MYO1A: variants seen among roughly 807,000 people sequenced by gnomAD.
MYO1A encodes unconventional myosin-Ia.
A neutral mutation model predicts 138.5 loss-of-function variants in MYO1A; 127 were observed. The observed-to-expected ratio is 0.92, with a 90% confidence interval of 0.79 to 1.06. The LOEUF (loss-of-function observed/expected upper bound fraction) is 1.06, where lower values mean the gene tolerates loss of function less well. MYO1A is among the 50% of genes least tolerant of loss of function. MYO1A has a pLI of 0.00. For synonymous variants in MYO1A, 477 were observed against 497.5 expected (o/e 0.96, Z 0.55); for missense variants, 1,211 against 1,288.8 (o/e 0.94, Z 0.92).
chr12:57,030,335 A>C lies in MYO1A; in HGVS notation c.2485-19T>G. ...TCTTGCACTGTGAGGAAGGAGGGAC[A>C]GGAGCTAAAATCATAGAGTGGGAGG... On this transcript the variant is annotated intron_variant, in intron 23 of 27. Transcript: ENST00000300119. 1 of 1,315,564 alleles carries C rather than the reference A, an allele frequency of 7.6e-7. No homozygotes were observed. The highest frequency in any genetic ancestry group is 1.2e-5 in the South Asian group (1 of 85,686). 81.5% of individuals were successfully genotyped at this position (1,315,564 alleles called of 1,614,324 possible). A position where few individuals can be genotyped will look rare whatever the true frequency, so the allele number is the denominator to read the frequency against.
intron 6 of MYO1A, 23 bp from the exon 7 acceptor site, chr12:57,046,949 G>C (rs532746442): frequency 4.3e-6 from 7 of 1,613,424 alleles, no homozygotes; most frequent in East Asian, 4.5e-5. Flanking sequence ...ACCAGAGAGA[G>C]AGACTTAGCT....
In MYO1A at chr12:57,042,376, C is replaced by T. The variant is rs568338780; in HGVS notation, c.1098+696G>A. Among the ~76,000 whole-genome samples the T allele has an allele frequency of 2.0e-5, 3 of 152,264 alleles. No homozygotes were observed. In the East Asian group the frequency reaches 5.8e-4, roughly 29 times the overall value. ...TACAGATATACCACATTTTGTTTAT[C>T]TCTTCATCAGTTGATGGACATTTGG... On this transcript the variant is annotated intron_variant, in intron 12 of 27. Transcript: ENST00000300119.
At chr12:57,032,075 GACTCA>G (rs1406979481) in intron 22 of MYO1A, among the ~76,000 whole-genome samples, 1 of 152,180 alleles carries the variant, frequency 6.6e-6, no homozygotes, top group African/African-American at 2.4e-5. Flanking sequence ...ATGCTCTCTT[GACTCA>G]ACTCTGCCAA....
rs758088084 is a variant in MYO1A at position 57,029,754 on chromosome 12, G to C, written c.2710C>G (p.Arg904Gly). Residue 904 changes from arginine (R) to glycine (G), a missense_variant, in exon 25 of 28, where the codon CGT (arginine) becomes GGT (glycine). Physicochemically the swap from Arg to Gly is moderately radical, Grantham distance 125. Transcript: ENST00000300119. ...LMAEAVKKVN[R>G]GNGKTSSRIL... The stretch of plus-strand genomic sequence containing the variant: ...CAGGCCCTTACCTTGCCATTGCCAC[G>C]ATTGACCTTCTTCACGGCCTCTGCC... 6.2e-7 allele frequency: 1 copy of C among 1,614,180 alleles called. No homozygotes were observed. Among genetic ancestry groups the C allele is most frequent in the Non-Finnish European group, 8.5e-7 (1 of 1,180,038 alleles).
chr12:57,039,036 A>C (rs2030737543), intron 15 of MYO1A, 27 bp from the exon 16 acceptor site: 2 of 1,607,062 alleles, frequency 1.2e-6, no homozygotes, highest in Non-Finnish European at 1.7e-6. Flanking sequence ...AAAGAAGCCC[A>C]ACCTAAATCT....
intron 22 of MYO1A, among the ~76,000 whole-genome samples, chr12:57,032,206 T>A (rs968743070): frequency 6.6e-6 from 1 of 152,254 alleles, no homozygotes; most frequent in African/African-American, 2.4e-5. Context: ...GTTATTTGCA[T>A]GGAAAACAGC....
intron 10 of MYO1A, 85 bp from the exon 11 acceptor site, chr12:57,043,443 G>C: frequency 7.8e-7 from 1 of 1,276,962 alleles, no homozygotes; most frequent in Non-Finnish European, 1.1e-6. Context: ...GAAACTGCCT[G>C]AGACACTGGT....
intron 22 of MYO1A, among the ~76,000 whole-genome samples, chr12:57,034,709 C>T (rs1024196323): frequency 6.6e-6 from 1 of 151,902 alleles, no homozygotes; most frequent in African/African-American, 2.4e-5. Flanking sequence ...TGGCTCACAC[C>T]TGTAATCCTA....
intron 22 of MYO1A, 117 bp from the exon 23 acceptor site, chr12:57,031,291 G>T: frequency 7.7e-7 from 1 of 1,297,014 alleles, no homozygotes; most frequent in Non-Finnish European, 1.1e-6. Flanking sequence ...TGAGAAGCAA[G>T]GGGTGGAGCT....
At position 57,047,088 on chromosome 12, in the gene MYO1A, G is replaced by A. The variant is rs1019836770; in HGVS notation, c.450C>T (p.Thr150=). 81 of 1,614,026 alleles carry A rather than the reference G, an allele frequency of 5.0e-5. 1 individual carries two copies. In the East Asian group the frequency reaches 1.8e-3, roughly 35 times the overall value. Residue 150 remains threonine, a synonymous_variant, in exon 6 of 28, where the codon ACC becomes ACT. Transcript: ENST00000300119. ...PVLEAFGNAK[T]IRNNNSSRFG... ...ATCGGGAGGAATTGTTGTTGCGAATGGTCTTGGCATTGCCAAAAGCTACAG... is the reference window on the plus strand; with the variant it reads ...ATCGGGAGGAATTGTTGTTGCGAATAGTCTTGGCATTGCCAAAAGCTACAG...
intron 1 of MYO1A, 79 bp from the exon 2 acceptor site, chr12:57,048,422 G>T: frequency 1.2e-6 from 1 of 865,914 alleles, no homozygotes; most frequent in Non-Finnish European, 1.9e-6. Flanking sequence ...GATGGCAGAA[G>T]GACCAAAAGA....
At chr12:57,045,712 G>C (rs1390433650) in intron 8 of MYO1A, among the ~76,000 whole-genome samples, 2 of 152,194 alleles carry the variant, frequency 1.3e-5, no homozygotes. Context: ...CAGCCAGAGA[G>C]GAGATTGGGA....
Position 57,047,994 on chromosome 12 carries a change from G to C in MYO1A, c.225C>G (p.Pro75=). 6.2e-7 allele frequency: 1 copy of C among 1,613,536 alleles called. No homozygotes were observed. Among genetic ancestry groups the C allele is most frequent in the Non-Finnish European group, 8.5e-7 (1 of 1,179,488 alleles). The change falls in exon 3 of 28, where the codon CCC becomes CCG. Residue 75 remains proline, a synonymous_variant. Coordinates refer to ENST00000300119, the MANE Select transcript of MYO1A (RefSeq NM_005379.4). ...YQDYTFYELK[P]HIYALANVAY... is the part of the protein sequence containing the mutation. ...CCCTTGGTCCCCCTACTCACATATG[G>C]GGCTTCAGCTCATAGAAAGTATAGT...
Position 57,050,047 on chromosome 12 carries a change from C to T in MYO1A, c.-181G>A, listed in dbSNP as rs2136463434. Reference sequence around the variant, plus strand: ...GGAAGCTGGGAAAAAGGCTGCCCTCCTCTTGCCAGTGTCCACTCTTCTGAT... The same window carrying T: ...GGAAGCTGGGAAAAAGGCTGCCCTCTTCTTGCCAGTGTCCACTCTTCTGAT... On this transcript the variant is annotated 5_prime_UTR_variant, in exon 1 of 28. Coordinates refer to ENST00000300119, the MANE Select transcript of MYO1A (RefSeq NM_005379.4). The T allele has an allele frequency of 6.6e-6, 1 of 152,650 alleles. No homozygotes were observed. The highest frequency in any genetic ancestry group is 1.9e-4 in the East Asian group (1 of 5,202). 9.5% of individuals were successfully genotyped at this position (152,650 alleles called of 1,614,324 possible). A position where few individuals can be genotyped will look rare whatever the true frequency, so the allele number is the denominator to read the frequency against.
Position 57,029,772 on chromosome 12 carries a change from C to G in MYO1A, c.2692G>C (p.Ala898Pro). 3.1e-6 allele frequency: 5 copies of G among 1,614,220 alleles called. No individual in the cohort carries two copies. The highest frequency in any genetic ancestry group is 4.2e-6 in the Non-Finnish European group (5 of 1,180,034). The part of the protein sequence containing the change: ...GEEGPVLMAE[A>P]VKKVNRGNGK... ...TTGCCACGATTGACCTTCTTCACGG[C>G]CTCTGCCATCAGAACAGGCCCCTCC... The change falls in exon 25 of 28, where the codon GCC becomes CCC. Residue 898 changes from alanine (A) to proline (P), a missense_variant. Transcript: ENST00000300119.
Position 57,031,103 on chromosome 12 carries a change from G to A in MYO1A, c.2421C>T (p.Ala807=), listed in dbSNP as rs371549891. The change falls in exon 23 of 28, where the codon GCC becomes GCT. Residue 807 remains alanine (A), a synonymous_variant. Coordinates refer to ENST00000300119, the MANE Select transcript of MYO1A (RefSeq NM_005379.4). ...CTGTGCTGAGGCACTTGTAGGGGGC[G>A]GCTGGCCATGTCTTGTCTAAGACGT... is the stretch of plus-strand genomic sequence containing the variant. ...STNVLDKTWP[A]APYKCLSTAN... 4.3e-6 allele frequency: 7 copies of A among 1,614,144 alleles called. No homozygotes were observed. Among genetic ancestry groups the A allele is most frequent in the East Asian group, 2.2e-5 (1 of 44,890 alleles).
In MYO1A at chr12:57,037,897, T is replaced by C. The variant is rs1421730250; in HGVS notation, c.1933A>G (p.Thr645Ala). The C allele has an allele frequency of 2.5e-6, 4 of 1,614,036 alleles. No homozygotes were observed. Among genetic ancestry groups the C allele is most frequent in the Non-Finnish European group, 3.4e-6 (4 of 1,180,038 alleles). ...LERYRLLSRSTWPHWNGGDRE... is the reference protein window; with the variant it reads ...LERYRLLSRSAWPHWNGGDRE... ...TCTCCCCCATTCCAGTGAGGCCAGGTGCTCCGGCTCAGCAATCGGTACCTT... is the reference window on the plus strand; with the variant it reads ...TCTCCCCCATTCCAGTGAGGCCAGGCGCTCCGGCTCAGCAATCGGTACCTT... Residue 645 changes from threonine to alanine, a missense_variant, in exon 18 of 28, where the codon ACC (threonine) becomes GCC (alanine). Coordinates refer to ENST00000300119, the MANE Select transcript of MYO1A (RefSeq NM_005379.4).
In MYO1A at chr12:57,043,164, G is replaced by A. The variant is rs1340825043; in HGVS notation, c.1012-6C>T. On this transcript the variant is annotated splice_polypyrimidine_tract_variant and splice_region_variant and intron_variant, in intron 11 of 27. Transcript: ENST00000300119. ...GCGTCCCGAGCATACTGAGCCTGTG[G>A]GTGAGGCACAGCTGATTAGGGTGGC... is the stretch of plus-strand genomic sequence containing the variant. The A allele has an allele frequency of 1.2e-6, 2 of 1,614,114 alleles. No individual in the cohort carries two copies. Among genetic ancestry groups the A allele is most frequent in the Non-Finnish European group, 1.7e-6 (2 of 1,180,002 alleles).
rs933565072 is a variant in MYO1A at position 57,036,814 on chromosome 12, C to T, written c.2232G>A (p.Lys744=). 3.1e-6 allele frequency: 5 copies of T among 1,614,080 alleles called. No individual in the cohort carries two copies. The highest frequency in any genetic ancestry group is 3.4e-6 in the Non-Finnish European group (4 of 1,180,052). The change falls in exon 21 of 28, where the codon AAG becomes AAA. Residue 744 remains lysine (K), a synonymous_variant. Transcript: ENST00000300119. ...NMQKKCYGKI[K]ASVLLIQAFV... ...AAGCCTGGATCAATAACACGGATGC[C>T]TTTATCTTCCCATAGCATTTCTTTT...
Sources: gnomAD v4.1 joint callset for allele counts (sites outside exome capture counted in the v4.1 genomes callset) on GRCh38, gnomAD v4.1.1 for gene constraint, MANE v1.5 for transcripts, NCBI Gene and HGNC (gene_info 2026-07-23, HGNC 2026-07-21) for gene names.